PCSK5: variants seen among roughly 807,000 people sequenced by gnomAD.
PCSK5 encodes the protein proprotein convertase subtilisin/kexin type 5.
PCSK5 carries 129 observed loss-of-function variants against 233.2 expected under a neutral mutation model. The observed-to-expected ratio is 0.55, with a 90% CI of 0.48 to 0.64. The LOEUF is 0.64. PCSK5 is among the 30% of genes least tolerant of loss of function. PCSK5 has a pLI of 0.00. For missense variants in PCSK5, 2,076 were observed against 2,430.1 expected, an observed-to-expected ratio of 0.85 and a Z score of 3.06; for synonymous variants, 825 against 879.2, an observed-to-expected ratio of 0.94 and a Z score of 1.09.
intron 20 of PCSK5, among the ~76,000 whole-genome samples, chr9:76,214,675 C>G (rs1216677230): frequency 1.3e-5 from 2 of 152,138 alleles, no homozygotes; most frequent in African/African-American, 4.8e-5. Context: ...ATTTGTGGAG[C>G]ACTCCGAACA....
In PCSK5 at chr9:76,098,051, CTCCTT is replaced by C. The variant is rs1272747641; in HGVS notation, c.1107+1951_1107+1955del. Among the ~76,000 whole-genome samples, 3 of 152,196 alleles carry C rather than the reference CTCCTT, an allele frequency of 2.0e-5. No individual in the cohort carries two copies. The East Asian group carries it at 5.8e-4, about 29-fold the overall frequency. On this transcript the variant is annotated intron_variant, in intron 8 of 37. Transcript: ENST00000674117. Reference sequence around the variant, plus strand: ...CAGTCCATAGGGGATAGAACTGTACCTCCTTTGTGCAAGTCTTAATCCACATCCAT... The same window carrying C: ...CAGTCCATAGGGGATAGAACTGTACCTGTGCAAGTCTTAATCCACATCCAT...
chr9:75,964,761 G>A (rs1189206647), intron 2 of PCSK5, among the ~76,000 whole-genome samples: 1 of 152,174 alleles, frequency 6.6e-6, no homozygotes, highest in African/African-American at 2.4e-5. Context: ...TATTAATTAA[G>A]TGCTCATTGC....
chr9:75,946,288 A>G (rs770738912), intron 2 of PCSK5, among the ~76,000 whole-genome samples: 28 of 152,224 alleles, frequency 1.8e-4, no homozygotes, highest in Admixed American at 3.9e-4. Context: ...TGGAGAGAAG[A>G]CACTGTTATA....
rs1448759984 is a variant in PCSK5, at chr9:75,959,903, G to A, written c.298-26229G>A. On this transcript the variant is annotated intron_variant, in intron 2 of 37. Coordinates refer to ENST00000674117, the MANE Select transcript of PCSK5 (RefSeq NM_001372043.1). ...TAGCTGCCTGTTGAGTGCTCACTGT[G>A]GGTCTGTGATGGTTCCACTTAAACG... is the stretch of plus-strand genomic sequence containing the variant. Among the ~76,000 whole-genome samples the A allele has an allele frequency of 2.6e-5, 4 of 152,220 alleles. No homozygotes were observed. The South Asian group carries it at 8.3e-4, about 32-fold the overall frequency.
At chr9:76,198,249 G>T (rs1048342758) in intron 20 of PCSK5, among the ~76,000 whole-genome samples, 6 of 152,084 alleles carry the variant, frequency 3.9e-5, no homozygotes, top group Admixed American at 2.0e-4. Flanking sequence ...TCCAGTTGTG[G>T]TTTTTTTAGG....
chr9:76,094,209 G>A (rs907003188), intron 7 of PCSK5, among the ~76,000 whole-genome samples: 2 of 151,048 alleles, frequency 1.3e-5, no homozygotes, highest in African/African-American at 5.0e-5. Flanking sequence ...AGGTCAGGAA[G>A]AGTTTATCAC....
Position 76,050,211 on chromosome 9 carries a change from C to G in PCSK5, c.633-17744C>G, listed in dbSNP as rs933848959. ...TTAAGAAGGTCTTTATAATAATATTCATAAAATTAGATTTTACCTATATAC... is the reference window on the plus strand; with the variant it reads ...TTAAGAAGGTCTTTATAATAATATTGATAAAATTAGATTTTACCTATATAC... On this transcript the variant is annotated intron_variant, in intron 5 of 37. Coordinates refer to ENST00000674117, the MANE Select transcript of PCSK5 (RefSeq NM_001372043.1). Among the ~76,000 whole-genome samples the G allele has an allele frequency of 5.3e-5, 8 of 152,162 alleles. No homozygotes were observed. The South Asian group carries it at 1.7e-3, about 32-fold the overall frequency.
chr9:76,042,371 G>A (rs1347322323), intron 5 of PCSK5, among the ~76,000 whole-genome samples: 1 of 152,206 alleles, frequency 6.6e-6, no homozygotes, highest in Non-Finnish European at 1.5e-5. Context: ...TTTCAGGCCA[G>A]GCACCATGGT....
chr9:75,939,814 T>A (rs943919429), intron 2 of PCSK5, among the ~76,000 whole-genome samples: 1 of 152,156 alleles, frequency 6.6e-6, no homozygotes, highest in African/African-American at 2.4e-5. Flanking sequence ...TTTCCATTCC[T>A]TTTTCTATCC....
chr9:76,185,922 T>C (rs887448619), intron 17 of PCSK5, among the ~76,000 whole-genome samples: 1 of 152,180 alleles, frequency 6.6e-6, no homozygotes, highest in Admixed American at 6.5e-5. Context: ...ACATACTTGG[T>C]TCATGAGAAA....
intron 6 of PCSK5, among the ~76,000 whole-genome samples, chr9:76,068,363 G>A (rs947830072): frequency 6.6e-6 from 1 of 152,026 alleles, no homozygotes; most frequent in Non-Finnish European, 1.5e-5. Context: ...GGGTTAGAAC[G>A]AACTAATAAT....
At chr9:76,225,296 A>G (rs745991661) in intron 20 of PCSK5, among the ~76,000 whole-genome samples, 17 of 152,214 alleles carry the variant, frequency 1.1e-4, no homozygotes, top group Non-Finnish European at 1.8e-4. Context: ...GCTGGCATGT[A>G]TGTAGTGTTA....
chr9:76,173,213 A>G (rs1483057617), intron 13 of PCSK5, among the ~76,000 whole-genome samples: 2 of 152,192 alleles, frequency 1.3e-5, no homozygotes, highest in Non-Finnish European at 2.9e-5. Context: ...GGTGCTTAGC[A>G]TATAGAAAGC....
At chr9:76,099,334 C>T (rs1888706) in intron 8 of PCSK5, among the ~76,000 whole-genome samples, 36,313 of 151,954 alleles carry the variant, frequency 0.24, 4,555 homozygotes, top group South Asian at 0.29. Flanking sequence ...AATACCAGCA[C>T]CTACCTCAGA....
chr9:76,091,674 G>T (rs561201170), intron 7 of PCSK5, among the ~76,000 whole-genome samples: 2 of 152,190 alleles, frequency 1.3e-5, no homozygotes, highest in Admixed American at 1.3e-4. Context: ...AATGTAAGAC[G>T]AGGAGATTGG....
intron 35 of PCSK5, among the ~76,000 whole-genome samples, chr9:76,347,520 A>G (rs1830009562): frequency 1.3e-5 from 2 of 152,182 alleles, no homozygotes; most frequent in African/African-American, 4.8e-5. Context: ...TTTGTCACCC[A>G]AAGCTGACAT....
chr9:76,246,325 G>A (rs1826592424), intron 24 of PCSK5, among the ~76,000 whole-genome samples: 1 of 116,760 alleles, frequency 8.6e-6, no homozygotes, highest in African/African-American at 3.2e-5. Flanking sequence ...CTGGGCGACA[G>A]AGCGAGATTC....
intron 4 of PCSK5, among the ~76,000 whole-genome samples, chr9:76,026,691 G>A (rs1828439368): frequency 6.6e-6 from 1 of 152,104 alleles, no homozygotes; most frequent in Admixed American, 6.6e-5. Context: ...GGTATGAGGG[G>A]AAAAAGTGCT....
At chr9:75,983,242 C>T (rs1826357748) in intron 2 of PCSK5, among the ~76,000 whole-genome samples, 1 of 152,088 alleles carries the variant, frequency 6.6e-6, no homozygotes, top group African/African-American at 2.4e-5. Context: ...TAATTTGTTT[C>T]CCATTTATAT....
Sources: gnomAD v4.1 joint callset for allele counts (sites outside exome capture counted in the v4.1 genomes callset) on GRCh38, gnomAD v4.1.1 for gene constraint, MANE v1.5 for transcripts, NCBI Gene and HGNC (gene_info 2026-07-23, HGNC 2026-07-21) for gene names.